The following SPNS3 variants were observed in gnomAD, a reference collection of about 807,000 sequenced individuals.
SPNS3 encodes the protein SPNS lysolipid transporter 3, sphingosine-1-phosphate (putative), also known as protein spinster homolog 3.
A neutral mutation model predicts 54.4 loss-of-function variants in SPNS3; 51 were observed. The observed-to-expected ratio is 0.94, with a 90% CI of 0.75 to 1.18. The LOEUF is 1.18. Among genes scored for constraint, SPNS3 ranks in the 50% most tolerant of loss-of-function variants. The pLI is 0.00. For synonymous variants in SPNS3, 309 were observed against 294.7 expected (o/e 1.05, Z -0.50); for missense variants, 669 against 677.4 (o/e 0.99, Z 0.14).
intron 2 of SPNS3, among the ~76,000 whole-genome samples, chr17:4,443,759 A>G (rs527828556): frequency 6.6e-6 from 1 of 152,338 alleles, no homozygotes; most frequent in East Asian, 1.9e-4. Flanking sequence ...ATAAAAGACT[A>G]TGGGAACTTA....
In SPNS3 at chr17:4,486,924, A is replaced by C. The variant is rs1355414380; in HGVS notation, c.1450+341A>C. The stretch of plus-strand genomic sequence containing the variant: ...CGCGGTGGCTCACACCTGTAATCCC[A>C]GTACTTGGGGAGGCCAAGGCGGGCG... On this transcript the variant is annotated intron_variant, in intron 11 of 11. Transcript: ENST00000355530. The surrounding 1 kb of genome is among the most constrained non-coding windows in gnomAD (Gnocchi z 5.5). Among the ~76,000 whole-genome samples, 1 of 152,114 alleles carries C rather than the reference A, an allele frequency of 6.6e-6. No homozygotes were observed. The highest frequency in any genetic ancestry group is 1.9e-4 in the East Asian group (1 of 5,192).
intron 8 of SPNS3, among the ~76,000 whole-genome samples, chr17:4,468,785 C>T (rs867333177): frequency 5.0e-5 from 4 of 79,852 alleles, no homozygotes; most frequent in Admixed American, 1.5e-4. Flanking sequence ...CTTTCTTTCT[C>T]TCTCTCTTTC....
intron 9 of SPNS3, among the ~76,000 whole-genome samples, chr17:4,482,762 C>G (rs1437804751): frequency 1.3e-5 from 2 of 152,154 alleles, no homozygotes; most frequent in African/African-American, 2.4e-5. Context: ...GTCATGAGGT[C>G]TTCAGCTCCC....
At position 4,487,777 on chromosome 17, in the gene SPNS3, G is replaced by A. The variant is rs180761922; in HGVS notation, c.1451-29G>A. The A allele has an allele frequency of 1.4e-5, 22 of 1,607,038 alleles. No individual in the cohort carries two copies. In the East Asian group the frequency reaches 2.5e-4, roughly 18 times the overall value. On this transcript the variant is annotated intron_variant, in intron 11 of 11. Transcript: ENST00000355530. ...TCCCAAAGCACCTTCTGCAACCTTC[G>A]GGCAGGCTGAGCATCTTTCCTCCTG...
chr17:4,466,888 G>A (rs554372027), intron 8 of SPNS3, among the ~76,000 whole-genome samples: 3 of 152,142 alleles, frequency 2.0e-5, no homozygotes, highest in Admixed American at 1.3e-4. Flanking sequence ...ATGGGGATGA[G>A]TTCTCTGGAG....
chr17:4,452,971 T>C (rs1476490989), intron 7 of SPNS3, 45 bp from the exon 8 acceptor site: 3 of 1,578,462 alleles, frequency 1.9e-6, no homozygotes, highest in Non-Finnish European at 2.6e-6. Flanking sequence ...GTCCCTATGC[T>C]AAGCTCACCC....
chr17:4,467,948 G>A (rs1971728386), intron 8 of SPNS3, among the ~76,000 whole-genome samples: 1 of 152,246 alleles, frequency 6.6e-6, no homozygotes, highest in South Asian at 2.1e-4. Context: ...TGGGATTACA[G>A]GCATGGGCGA....
At chr17:4,447,022 G>T in intron 5 of SPNS3, 60 bp downstream of exon 5, 1 of 1,596,984 alleles carries the variant, frequency 6.3e-7, no homozygotes. Flanking sequence ...GGACTTTCCA[G>T]CCTTGGGTGA....
In SPNS3 at chr17:4,435,918, C is replaced by T. The variant is rs192435008; in HGVS notation, c.199+1752C>T. 4.9e-4 allele frequency among the ~76,000 whole-genome samples: 74 copies of T among 152,270 alleles called. No homozygotes were observed. In the East Asian group the frequency reaches 8.7e-3, roughly 18 times the overall value. On this transcript the variant is annotated intron_variant, in intron 1 of 11. Coordinates refer to ENST00000355530, the MANE Select transcript of SPNS3 (RefSeq NM_182538.5). The stretch of plus-strand genomic sequence containing the variant: ...CTGCACTCCAGCCTGGGCGACAGAG[C>T]GAGACTCCGTCTCAAACAAAGACAA...
intron 9 of SPNS3, chr17:4,484,910 G>T (rs1972269236): frequency 6.6e-6 from 1 of 152,132 alleles, no homozygotes; most frequent in South Asian, 2.1e-4. Context: ...GAAATTAAGG[G>T]TCTTTGTTGC....
chr17:4,438,734 G>C (rs1343286587), intron 1 of SPNS3, among the ~76,000 whole-genome samples: 5 of 152,224 alleles, frequency 3.3e-5, no homozygotes, highest in African/African-American at 1.2e-4. Flanking sequence ...ACAGCTCCAG[G>C]GACTTCCGTT....
intron 8 of SPNS3, among the ~76,000 whole-genome samples, chr17:4,473,906 TC>T (rs1053739268): frequency 6.6e-6 from 1 of 151,878 alleles, no homozygotes; most frequent in Non-Finnish European, 1.5e-5. Context: ...CTATGTGAGC[TC>T]CCCAACTCTG....
At chr17:4,463,780 T>TACA (rs1277728389) in intron 8 of SPNS3, among the ~76,000 whole-genome samples, 3 of 151,632 alleles carry the variant, frequency 2.0e-5, no homozygotes, top group African/African-American at 7.3e-5. Context: ...ACAATATACA[T>TACA]TTAGCATGAA....
chr17:4,459,812 G>A (rs187222349), intron 8 of SPNS3, among the ~76,000 whole-genome samples: 80 of 151,996 alleles, frequency 5.3e-4, no homozygotes, highest in African/African-American at 1.8e-3. Context: ...AGTTGAGGGA[G>A]ATAGATAACA....
chr17:4,453,621 G>GCA (rs111667154), intron 8 of SPNS3, among the ~76,000 whole-genome samples: 16 of 151,528 alleles, frequency 1.1e-4, no homozygotes, highest in South Asian at 4.1e-4. Flanking sequence ...CCATCTTGGG[G>GCA]GAAAAAAACA....
At chr17:4,463,959 C>T (rs1338672128) in intron 8 of SPNS3, among the ~76,000 whole-genome samples, 1 of 152,202 alleles carries the variant, frequency 6.6e-6, no homozygotes, top group East Asian at 1.9e-4. Flanking sequence ...CCTGTGTGCA[C>T]ATGTGGACCT....
chr17:4,467,492 G>A (rs1420021976), intron 8 of SPNS3, among the ~76,000 whole-genome samples: 1 of 151,936 alleles, frequency 6.6e-6, no homozygotes, highest in Admixed American at 6.6e-5. Flanking sequence ...TGTCCCCTGG[G>A]TCCCCTTCAT....
intron 9 of SPNS3, chr17:4,485,134 A>G (rs1972276844): frequency 6.6e-6 from 1 of 152,240 alleles, no homozygotes; most frequent in South Asian, 2.1e-4. Context: ...AAGGCACGCC[A>G]GGCAGAAGGC....
chr17:4,478,686 G>C, intron 9 of SPNS3, 49 bp downstream of exon 9: 1 of 1,551,702 alleles, frequency 6.4e-7, no homozygotes, highest in Non-Finnish European at 8.7e-7. Flanking sequence ...AGCTGGAGAG[G>C]ATTGGGCCTC....
Sources: gnomAD v4.1 joint callset for allele counts (sites outside exome capture counted in the v4.1 genomes callset) on GRCh38, gnomAD v4.1.1 for gene constraint, Gnocchi (gnomAD v3.1) non-coding constraint, MANE v1.5 for transcripts, NCBI Gene and HGNC (gene_info 2026-07-23, HGNC 2026-07-21) for gene names.